Variants in ACACA observed in about 807,000 individuals in gnomAD.
The protein encoded by ACACA is acetyl-CoA carboxylase alpha.
Under a neutral mutation model 296.1 loss-of-function variants are expected in ACACA, and 103 were observed. The observed-to-expected ratio is 0.35, with a 90% CI of 0.30 to 0.41. The LOEUF is 0.41. Among genes scored for constraint, ACACA ranks in the 10% least tolerant of loss-of-function variants. ACACA has a pLI of 1.00. For synonymous variants in ACACA, 953 were observed against 1,038.6 expected, an observed-to-expected ratio of 0.92 and a Z score of 1.58; for missense variants, 1,554 against 2,989.7, an observed-to-expected ratio of 0.52 and a Z score of 11.20.
At chr17:37,221,684 C>T (rs1598225171) in intron 29 of ACACA, 40 bp downstream of exon 29, 2 of 1,477,540 alleles carry the variant, frequency 1.4e-6, no homozygotes, top group Admixed American at 1.7e-5. Flanking sequence ...TCATGGTATA[C>T]CTCTGGCTGG....
In ACACA at chr17:37,277,834, C is replaced by A. The variant is rs1008040237; in HGVS notation, c.720+62G>T. 6.3e-5 allele frequency: 80 copies of A among 1,260,234 alleles called. No individual in the cohort carries two copies. The African/African-American group carries it at 1.1e-3, about 18-fold the overall frequency. The allele number at this position is 1,260,234 out of a possible 1,614,324, so 78.1% of individuals were successfully genotyped here. A position where few individuals can be genotyped will look rare whatever the true frequency, so the allele number is the denominator to read the frequency against. On this transcript the variant is annotated intron_variant, in intron 6 of 55. Transcript: ENST00000616317. ...ACAAAAATGTTCTTCTCTAGATATC[C>A]CCTTGTGCCTAACTATAAAATGGCT...
rs953997085 is a variant in ACACA at position 37,235,513 on chromosome 17, G to A, written c.3122-414C>T. ...TAGACGAGAAATTTCTGTTTAAAAA[G>A]AAATGTAAATATCATTAAACTTGAT... On this transcript the variant is annotated intron_variant, in intron 24 of 55. Coordinates refer to ENST00000616317, the MANE Select transcript of ACACA (RefSeq NM_198834.3). Among the ~76,000 whole-genome samples, 5 of 152,078 alleles carry A rather than the reference G, an allele frequency of 3.3e-5. No homozygotes were observed. In the South Asian group the frequency reaches 1.0e-3, roughly 31 times the overall value.
chr17:37,147,306 C>A (rs1406878424), intron 45 of ACACA, among the ~76,000 whole-genome samples: 1 of 152,028 alleles, frequency 6.6e-6, no homozygotes, highest in Non-Finnish European at 1.5e-5. Context: ...CAGGGCGGCA[C>A]ACAGACAGAG....
chr17:37,244,951 G>A, intron 20 of ACACA, 129 bp downstream of exon 20: 4 of 1,414,802 alleles, frequency 2.8e-6, no homozygotes, highest in East Asian at 2.3e-5. Context: ...ACAAATACAA[G>A]GCATAAGATT....
intron 41 of ACACA, among the ~76,000 whole-genome samples, chr17:37,162,389 C>G (rs2076495175): frequency 1.3e-5 from 2 of 152,102 alleles, no homozygotes. Context: ...ATTTTACTGC[C>G]ATATATACTA....
At chr17:37,353,635 T>A (rs1364010857) in intron 1 of ACACA, among the ~76,000 whole-genome samples, 1 of 44,196 alleles carries the variant, frequency 2.3e-5, no homozygotes. Flanking sequence ...CAAGACTCCG[T>A]CTAAAAAAAA....
In ACACA at chr17:37,277,129, A is replaced by G. The variant is rs757402242; in HGVS notation, c.721-15T>C. ...GCCCACACTGCCTGCAAGGGAATAC[A>G]ATATAATTCATTCTTAAAATTCATA... On this transcript the variant is annotated splice_polypyrimidine_tract_variant and intron_variant, in intron 6 of 55. Transcript: ENST00000616317. 8 of 1,606,110 alleles carry G rather than the reference A, an allele frequency of 5.0e-6. No homozygotes were observed. Among genetic ancestry groups the G allele is most frequent in the Non-Finnish European group, 6.8e-6 (8 of 1,172,796 alleles).
At chr17:37,366,618 G>A (rs2049614853) in intron 1 of ACACA, among the ~76,000 whole-genome samples, 1 of 151,812 alleles carries the variant, frequency 6.6e-6, no homozygotes, top group Non-Finnish European at 1.5e-5. Context: ...ACAGGCACCT[G>A]CCACCACGCC....
intron 29 of ACACA, among the ~76,000 whole-genome samples, chr17:37,219,289 A>G (rs952277889): frequency 1.2e-4 from 18 of 152,224 alleles, no homozygotes; most frequent in African/African-American, 4.3e-4. Flanking sequence ...CACAGGGAAC[A>G]AACTGGGAAG....
At chr17:37,156,053 C>CTTTCTTTTTTTTTT (rs2076232148) in intron 42 of ACACA, among the ~76,000 whole-genome samples, 1 of 94,006 alleles carries the variant, frequency 1.1e-5, no homozygotes, top group Non-Finnish European at 1.9e-5. Context: ...TTCTTTCTTT[C>CTTTCTTTTTTTTTT]TTTTTTTTTT....
intron 42 of ACACA, among the ~76,000 whole-genome samples, chr17:37,160,637 G>C (rs2076422607): frequency 6.6e-6 from 1 of 152,226 alleles, no homozygotes; most frequent in African/African-American, 2.4e-5. Context: ...AGAATGGAGA[G>C]AGTTGGATTT....
At chr17:37,260,291 T>C (rs1195482739) in intron 11 of ACACA, among the ~76,000 whole-genome samples, 5 of 15,512 alleles carry the variant, frequency 3.2e-4, no homozygotes, top group Non-Finnish European at 5.6e-4. Flanking sequence ...TATATATATA[T>C]ATATATTTTT....
At chr17:37,329,528 C>T in intron 3 of ACACA, among the ~76,000 whole-genome samples, 1 of 151,604 alleles carries the variant, frequency 6.6e-6, no homozygotes. Context: ...GTAGTCCCAG[C>T]TATTCAGGAG....
chr17:37,406,049 C>T (rs887171755), intron 1 of ACACA, among the ~76,000 whole-genome samples: 1 of 152,088 alleles, frequency 6.6e-6, no homozygotes, highest in Non-Finnish European at 1.5e-5. Context: ...TTCCCCAGTA[C>T]TTCCTAGCAG....
In ACACA at chr17:37,145,695, C is replaced by T. The variant is rs572470154; in HGVS notation, c.5679+4169G>A. Among the ~76,000 whole-genome samples, 420 of 152,276 alleles carry T rather than the reference C, an allele frequency of 2.8e-3. 3 individuals are homozygous for T. Among genetic ancestry groups the T allele is most frequent in the African/African-American group, 9.4e-3 (389 of 41,552 alleles). On this transcript the variant is annotated intron_variant, in intron 45 of 55. Transcript: ENST00000616317. ...TTGCCTTCCTGTCTACGAAATATAG[C>T]CCTGATACCATTAGCCCATTCCAGA...
chr17:37,217,749 A>C (rs867150283), intron 29 of ACACA, among the ~76,000 whole-genome samples: 7 of 141,560 alleles, frequency 4.9e-5, no homozygotes, highest in African/African-American at 8.4e-5. Flanking sequence ...AAAAAAAAAA[A>C]AAAAAAAAAA....
chr17:37,285,144 T>G (rs1721692726), intron 3 of ACACA, among the ~76,000 whole-genome samples, 174 bp from the exon 4 acceptor site: 1 of 151,996 alleles, frequency 6.6e-6, no homozygotes, highest in Non-Finnish European at 1.5e-5. Context: ...TTGTGGAAAT[T>G]TAAGGAAAAA....
At chr17:37,331,655 C>T (rs1036303609) in intron 2 of ACACA, among the ~76,000 whole-genome samples, 2 of 151,986 alleles carry the variant, frequency 1.3e-5, no homozygotes, top group African/African-American at 4.8e-5. Context: ...ATCCACCCAC[C>T]TCAGCCTCTC....
intron 41 of ACACA, among the ~76,000 whole-genome samples, chr17:37,173,993 TATATATATATATATATATATA>T (rs2076986814): frequency 8.2e-4 from 8 of 9,710 alleles, no homozygotes; most frequent in African/African-American, 3.4e-3. Flanking sequence ...TATATATATA[TATATATATATATATATATATA>T]TATATATTTT....
Sources: gnomAD v4.1 joint callset for allele counts (sites outside exome capture counted in the v4.1 genomes callset) on GRCh38, gnomAD v4.1.1 for gene constraint, MANE v1.5 for transcripts, NCBI Gene and HGNC (gene_info 2026-07-23, HGNC 2026-07-21) for gene names.